The following TMEM117 variants were observed in gnomAD, a reference collection of about 807,000 sequenced individuals.
TMEM117 encodes transmembrane protein 117.
TMEM117 carries 27 observed loss-of-function variants against 52.4 expected under a neutral mutation model. The observed-to-expected ratio is 0.51, with a 90% CI of 0.38 to 0.71. TMEM117 has a LOEUF of 0.71. Among genes scored for constraint, TMEM117 ranks in the 30% least tolerant of loss-of-function variants. The pLI, the probability that TMEM117 is intolerant of heterozygous loss-of-function variation, is 0.00. For missense variants in TMEM117, 556 were observed against 630.5 expected (o/e 0.88, Z 1.26); for synonymous variants, 215 against 206.3 (o/e 1.04, Z -0.36).
At chr12:44,005,128 G>A (rs982485426) in intron 3 of TMEM117, among the ~76,000 whole-genome samples, 7 of 152,196 alleles carry the variant, frequency 4.6e-5, no homozygotes, top group Non-Finnish European at 1.0e-4. Flanking sequence ...GTAGCCCTAG[G>A]AGGTAGGAAT....
At position 44,252,225 on chromosome 12, in the gene TMEM117, G is replaced by A. The variant is rs541703681; in HGVS notation, c.608+40838G>A. ...TCCATATCCAAAGATTCAGCCTGTG[G>A]CCAGGCCCAGTGGCTCATACCTGTA... On this transcript the variant is annotated intron_variant, in intron 5 of 7. Transcript: ENST00000266534. 3.9e-5 allele frequency among the ~76,000 whole-genome samples: 6 copies of A among 152,198 alleles called. No homozygotes were observed. In the East Asian group the frequency reaches 1.2e-3, roughly 29 times the overall value.
chr12:43,853,643 G>T (rs541293935), intron 2 of TMEM117, among the ~76,000 whole-genome samples: 4 of 152,274 alleles, frequency 2.6e-5, no homozygotes, highest in East Asian at 3.9e-4. Flanking sequence ...ATAAGACATG[G>T]TCTCTGATCT....
At chr12:44,294,471 A>C (rs1950743223) in intron 5 of TMEM117, among the ~76,000 whole-genome samples, 1 of 152,210 alleles carries the variant, frequency 6.6e-6, no homozygotes, top group Admixed American at 6.5e-5. Context: ...CAGCAAATGG[A>C]AACTAGTATG....
intron 6 of TMEM117, among the ~76,000 whole-genome samples, chr12:44,331,103 G>A (rs1037529939): frequency 6.6e-6 from 1 of 151,602 alleles, no homozygotes; most frequent in Non-Finnish European, 1.5e-5. Flanking sequence ...CTGTGTGGAG[G>A]TGACCACTGA....
chr12:44,046,137 C>G (rs1287536304), intron 3 of TMEM117, among the ~76,000 whole-genome samples: 2 of 152,180 alleles, frequency 1.3e-5, no homozygotes, highest in Non-Finnish European at 2.9e-5. Flanking sequence ...TGGCACCACT[C>G]ACTGTCACCC....
rs578229099 is a variant in TMEM117, at chr12:44,211,801, T to G, written c.608+414T>G. On this transcript the variant is annotated intron_variant, in intron 5 of 7. Coordinates refer to ENST00000266534, the MANE Select transcript of TMEM117 (RefSeq NM_032256.3). ...TCTTTATAAATCACATCTTCTACAT[T>G]GGCATTTCTTCTTTATGTAGTTTCG... is the stretch of plus-strand genomic sequence containing the variant. Among the ~76,000 whole-genome samples the G allele has an allele frequency of 7.2e-5, 11 of 152,336 alleles. No individual in the cohort carries two copies. In the South Asian group the frequency reaches 2.3e-3, roughly 32 times the overall value.
chr12:43,953,903 A>C (rs1176415570), intron 3 of TMEM117, among the ~76,000 whole-genome samples: 1 of 152,236 alleles, frequency 6.6e-6, no homozygotes, highest in Non-Finnish European at 1.5e-5. Context: ...AAATAACTGG[A>C]AGTAAAACAC....
chr12:44,374,587 G>A (rs769191799), intron 6 of TMEM117, among the ~76,000 whole-genome samples: 5 of 151,174 alleles, frequency 3.3e-5, no homozygotes, highest in South Asian at 2.1e-4. Context: ...CTCTGTGAAA[G>A]TACAGGTGGG....
At chr12:44,145,021 G>T (rs529178752) in intron 4 of TMEM117, among the ~76,000 whole-genome samples, 1 of 152,108 alleles carries the variant, frequency 6.6e-6, no homozygotes, top group African/African-American at 2.4e-5. Context: ...GCCAGGCGTG[G>T]TGGCGGGCGC....
At chr12:44,296,436 G>T (rs1261779715) in intron 5 of TMEM117, among the ~76,000 whole-genome samples, 1 of 152,186 alleles carries the variant, frequency 6.6e-6, no homozygotes, top group Non-Finnish European at 1.5e-5. Context: ...GATTGGGCAA[G>T]ACTGCCCCTG....
intron 7 of TMEM117, among the ~76,000 whole-genome samples, chr12:44,387,640 A>G (rs139531980): frequency 1.5e-4 from 23 of 152,256 alleles, no homozygotes; most frequent in Admixed American, 7.2e-4. Context: ...GAGATGTTCA[A>G]TCATACATTG....
intron 3 of TMEM117, 50 bp from the exon 4 acceptor site, chr12:44,143,475 C>A: frequency 7.0e-7 from 1 of 1,436,648 alleles, no homozygotes; most frequent in Non-Finnish European, 9.7e-7. Context: ...AAAGCCTTAA[C>A]TGTATGACTC....
chr12:43,943,894 A>G (rs915577758), intron 2 of TMEM117, among the ~76,000 whole-genome samples: 1 of 152,264 alleles, frequency 6.6e-6, no homozygotes, highest in Non-Finnish European at 1.5e-5. Context: ...AAAATAAAAA[A>G]TAGCAGGTAA....
chr12:44,249,652 C>G (rs551106429), intron 5 of TMEM117, among the ~76,000 whole-genome samples: 60 of 152,078 alleles, frequency 3.9e-4, no homozygotes, highest in Non-Finnish European at 6.5e-4. Context: ...ACATATAGAT[C>G]AATGGAACTG....
chr12:43,918,430 A>G (rs1404536247), intron 2 of TMEM117, among the ~76,000 whole-genome samples: 1 of 152,122 alleles, frequency 6.6e-6, no homozygotes, highest in Non-Finnish European at 1.5e-5. Context: ...GTTAACAGCA[A>G]AGTTTACAAA....
chr12:43,974,440 T>C (rs1945639839), intron 3 of TMEM117, among the ~76,000 whole-genome samples: 1 of 152,170 alleles, frequency 6.6e-6, no homozygotes, highest in Non-Finnish European at 1.5e-5. Flanking sequence ...CTGGGAATTA[T>C]CCTTTAGAAA....
At chr12:44,117,967 A>G (rs369569474) in intron 3 of TMEM117, among the ~76,000 whole-genome samples, 23 of 151,956 alleles carry the variant, frequency 1.5e-4, no homozygotes, top group African/African-American at 5.3e-4. Context: ...TAGCTACCTA[A>G]TTATCTATTA....
At chr12:44,344,870 T>G (rs959741042) in intron 6 of TMEM117, among the ~76,000 whole-genome samples, 1 of 151,972 alleles carries the variant, frequency 6.6e-6, no homozygotes, top group Non-Finnish European at 1.5e-5. Flanking sequence ...TTCTGCCCAG[T>G]GAGTAGGATT....
intron 3 of TMEM117, among the ~76,000 whole-genome samples, chr12:44,098,120 G>A (rs1947802551): frequency 6.6e-6 from 1 of 151,998 alleles, no homozygotes; most frequent in African/African-American, 2.4e-5. Flanking sequence ...ATATGCATTG[G>A]TCAGCATTGC....
Sources: gnomAD v4.1 joint callset for allele counts (sites outside exome capture counted in the v4.1 genomes callset) on GRCh38, gnomAD v4.1.1 for gene constraint, MANE v1.5 for transcripts, NCBI Gene and HGNC (gene_info 2026-07-23, HGNC 2026-07-21) for gene names.